The following OR9Q1 variants were observed in gnomAD, a reference collection of about 807,000 sequenced individuals.
OR9Q1 encodes the protein olfactory receptor 9Q1.
For missense variants in OR9Q1, 374 were observed against 378.8 expected, an observed-to-expected ratio of 0.99 and a Z score of 0.11; for synonymous variants, 153 against 148.6, an observed-to-expected ratio of 1.03 and a Z score of -0.22.
At chr11:58,103,359 T>A (rs1429897585) in intron 2 of OR9Q1, among the ~76,000 whole-genome samples, 2 of 152,120 alleles carry the variant, frequency 1.3e-5, no homozygotes, top group Non-Finnish European at 2.9e-5. Context: ...CATGCGGTGA[T>A]TATGGGAATT....
chr11:58,170,363 A>G (rs1451822224), intron 2 of OR9Q1, among the ~76,000 whole-genome samples: 1 of 152,040 alleles, frequency 6.6e-6, no homozygotes, highest in Non-Finnish European at 1.5e-5. Flanking sequence ...TCTTTATCAT[A>G]GTGCAGATTT....
At chr11:58,046,251 T>A (rs1853215197) in intron 1 of OR9Q1, among the ~76,000 whole-genome samples, 1 of 151,286 alleles carries the variant, frequency 6.6e-6, no homozygotes, top group Non-Finnish European at 1.5e-5. Context: ...CTATTCTGCT[T>A]CCTTGTTCAT....
At chr11:58,074,528 G>A (rs1306541067) in intron 2 of OR9Q1, among the ~76,000 whole-genome samples, 3 of 148,150 alleles carry the variant, frequency 2.0e-5, no homozygotes, top group Admixed American at 2.0e-4. Context: ...TGGATAGATT[G>A]CAACAATTTT....
At chr11:58,164,210 GATAAA>G (rs1016997987) in intron 2 of OR9Q1, among the ~76,000 whole-genome samples, 4 of 152,016 alleles carry the variant, frequency 2.6e-5, no homozygotes, top group African/African-American at 9.7e-5. Flanking sequence ...AGAAGAGAAT[GATAAA>G]ATTAAATCCT....
At chr11:58,111,205 T>C (rs1473462338) in intron 2 of OR9Q1, among the ~76,000 whole-genome samples, 1 of 152,194 alleles carries the variant, frequency 6.6e-6, no homozygotes, top group Non-Finnish European at 1.5e-5. Flanking sequence ...TTTCACCTAT[T>C]GCTCCCACCT....
rs566956169 is a variant in OR9Q1 at position 58,088,501 on chromosome 11, A to G, written c.-15+32554A>G. On this transcript the variant is annotated intron_variant, in intron 2 of 2. Transcript: ENST00000335397. Reference sequence around the variant, plus strand: ...AGCATCTGTTGTTTCCTGACTTTTTAATAATTGCCATTCTAACTGGAATGA... The same window carrying G: ...AGCATCTGTTGTTTCCTGACTTTTTGATAATTGCCATTCTAACTGGAATGA... 3.6e-4 allele frequency among the ~76,000 whole-genome samples: 55 copies of G among 152,010 alleles called. 1 individual carries two copies. The highest frequency in any genetic ancestry group is 3.4e-3 in the Admixed American group (52 of 15,274).
chr11:58,088,307 A>C (rs1373429152), intron 2 of OR9Q1, among the ~76,000 whole-genome samples: 2 of 151,908 alleles, frequency 1.3e-5, no homozygotes, highest in African/African-American at 4.9e-5. Flanking sequence ...TTTATAGTAG[A>C]ATGATTTATA....
At chr11:58,121,526 T>G (rs1215686606) in intron 2 of OR9Q1, among the ~76,000 whole-genome samples, 2 of 152,186 alleles carry the variant, frequency 1.3e-5, no homozygotes, top group Non-Finnish European at 2.9e-5. Flanking sequence ...TTGACCCACA[T>G]GTAGAGGAGC....
At chr11:58,053,679 A>ATT (rs1363776538) in intron 1 of OR9Q1, among the ~76,000 whole-genome samples, 1 of 147,108 alleles carries the variant, frequency 6.8e-6, no homozygotes, top group African/African-American at 2.5e-5. Context: ...TATAAAATAA[A>ATT]AATATTTAAT....
At chr11:58,069,879 A>AAAACC (rs112350341) in intron 2 of OR9Q1, among the ~76,000 whole-genome samples, 25,762 of 151,412 alleles carry the variant, frequency 0.17, 3,384 homozygotes, top group African/African-American at 0.34. Context: ...CAAACAACAA[A>AAAACC]AAACCAAACC....
chr11:58,088,172 T>A (rs1853651611), intron 2 of OR9Q1, among the ~76,000 whole-genome samples: 1 of 151,932 alleles, frequency 6.6e-6, no homozygotes, highest in South Asian at 2.1e-4. Context: ...GATGGCTGCA[T>A]AGTATTCCAT....
chr11:58,100,333 C>T (rs1382042610), intron 2 of OR9Q1, among the ~76,000 whole-genome samples: 1 of 152,162 alleles, frequency 6.6e-6, no homozygotes, highest in East Asian at 1.9e-4. Context: ...TATAGATTGC[C>T]TTGAGTTAAT....
chr11:58,040,457 A>G (rs1853149432), intron 1 of OR9Q1, among the ~76,000 whole-genome samples: 2 of 152,180 alleles, frequency 1.3e-5, no homozygotes, highest in African/African-American at 4.8e-5. Context: ...TCTCCTCTCA[A>G]AGACCTTTTC....
chr11:58,082,601 T>G (rs1382902098), intron 2 of OR9Q1, among the ~76,000 whole-genome samples: 18 of 33,532 alleles, frequency 5.4e-4, no homozygotes, highest in Non-Finnish European at 8.7e-4. Context: ...TGTTGTGGGG[T>G]GGGGGGAGGG....
intron 2 of OR9Q1, among the ~76,000 whole-genome samples, chr11:58,101,108 A>G (rs1029089733): frequency 6.6e-6 from 1 of 152,100 alleles, no homozygotes; most frequent in Non-Finnish European, 1.5e-5. Context: ...TTGATAACAC[A>G]ATAGAATGAC....
At chr11:58,118,273 C>T (rs1590599801) in intron 2 of OR9Q1, 3 of 432,622 alleles carry the variant, frequency 6.9e-6, no homozygotes, top group Non-Finnish European at 8.2e-6. Context: ...AAGAGACTGC[C>T]CAGTGCTAAG....
At chr11:58,123,452 A>G (rs1349177353) in intron 2 of OR9Q1, among the ~76,000 whole-genome samples, 1 of 152,160 alleles carries the variant, frequency 6.6e-6, no homozygotes, top group African/African-American at 2.4e-5. Flanking sequence ...AAGGCTCCTG[A>G]CCAGAGATTA....
chr11:58,147,613 C>A (rs2514196), intron 2 of OR9Q1, among the ~76,000 whole-genome samples: 13 of 152,302 alleles, frequency 8.5e-5, no homozygotes, highest in South Asian at 2.1e-4. Context: ...TGATACATCC[C>A]CAGTATTTTA....
chr11:58,103,470 T>A (rs926435685), intron 2 of OR9Q1, among the ~76,000 whole-genome samples: 1 of 152,206 alleles, frequency 6.6e-6, no homozygotes, highest in Non-Finnish European at 1.5e-5. Context: ...CTTTGTTAAA[T>A]TTTTCACTCA....
Sources: gnomAD v4.1 joint callset for allele counts (sites outside exome capture counted in the v4.1 genomes callset) on GRCh38, gnomAD v4.1.1 for gene constraint, MANE v1.5 for transcripts, NCBI Gene and HGNC (gene_info 2026-07-23, HGNC 2026-07-21) for gene names.